PLEKHG7: variants seen among roughly 807,000 people sequenced by gnomAD.
PLEKHG7 encodes the protein pleckstrin homology domain-containing family G member 7.
Under a neutral mutation model 85.2 loss-of-function variants are expected in PLEKHG7, and 77 were observed. The observed-to-expected ratio is 0.90, with a 90% CI of 0.75 to 1.09. The LOEUF (loss-of-function observed/expected upper bound fraction) is 1.09, where lower values mean the gene tolerates loss of function less well. PLEKHG7 is among the 50% of genes least tolerant of loss of function. The pLI is 0.00. For missense variants in PLEKHG7, 777 were observed against 804.3 expected (o/e 0.97, Z 0.41); for synonymous variants, 301 against 302.4 (o/e 1.00, Z 0.05).
rs376783207 is a variant in PLEKHG7 at position 92,707,011 on chromosome 12, G to A, written c.380G>A (p.Arg127Gln). The change falls in exon 2 of 17, where the codon CGG (arginine) becomes CAG (glutamine). Residue 127 changes from arginine (R) to glutamine (Q), a missense_variant. Arg to Gln is a conservative substitution (Grantham distance 43). Around this residue, in one of 3 missense-constraint regions of PLEKHG7, gnomAD observed 252 missense variants for 241.9 expected, o/e 1.04. Transcript: ENST00000344636. ...NAADSLEPQT[R>Q]PTDKYLPPEL... ...GCTGACTCACTGGAGCCCCAAACCCGGCCCACTGACAAGTATCTCCCTCCT... is the reference window on the plus strand; with the variant it reads ...GCTGACTCACTGGAGCCCCAAACCCAGCCCACTGACAAGTATCTCCCTCCT... The A allele has an allele frequency of 1.2e-5, 20 of 1,613,106 alleles. No individual in the cohort carries two copies. Among genetic ancestry groups the A allele is most frequent in the Admixed American group, 6.7e-5 (4 of 59,926 alleles).
intron 13 of PLEKHG7, among the ~76,000 whole-genome samples, chr12:92,756,628 T>C (rs1289065576): frequency 2.6e-5 from 4 of 152,308 alleles, no homozygotes; most frequent in East Asian, 1.9e-4. Flanking sequence ...AACTATTCCA[T>C]AGGATTGTTA....
Position 92,770,996 on chromosome 12 carries a change from G to GGGGT in PLEKHG7, c.*802_*803insGGTG, listed in dbSNP as rs1555197096. On this transcript the variant is annotated 3_prime_UTR_variant, in exon 17 of 17. Coordinates refer to ENST00000344636, the MANE Select transcript of PLEKHG7 (RefSeq NM_001377329.1). ...ATAAAAATACTTTCTGGTTTTGATT[G>GGGGT]GTGTGTGTGTGTGTGTGTGTGTGTG... 13 of 150,264 alleles carry GGGGT rather than the reference G, an allele frequency of 8.7e-5. No individual in the cohort carries two copies. Among genetic ancestry groups the GGGGT allele is most frequent in the Non-Finnish European group, 1.8e-4 (12 of 67,418 alleles). The allele number at this position is 150,264 out of a possible 1,614,324, so 9.3% of individuals were successfully genotyped here.
rs71069170 is a variant in PLEKHG7, at chr12:92,721,702, CA to C, written c.531-7265del. ...GAACCAGAATAGCCAAGCATAAAAC[CA>C]AAAAAAAAAAAAAAAAAAAAAAAAA... On this transcript the variant is annotated intron_variant, in intron 3 of 16. Transcript: ENST00000344636. 4.1e-3 allele frequency among the ~76,000 whole-genome samples: 179 copies of C among 43,364 alleles called. 2 individuals carry two copies. The highest frequency in any genetic ancestry group is 7.9e-3 in the African/African-American group (102 of 12,852). 28.4% of individuals were successfully genotyped at this position (43,364 alleles called of 152,430 possible). A position where few individuals can be genotyped will look rare whatever the true frequency, so the allele number is the denominator to read the frequency against.
chr12:92,708,789 T>C (rs1871310771), intron 3 of PLEKHG7, among the ~76,000 whole-genome samples: 1 of 152,202 alleles, frequency 6.6e-6, no homozygotes, highest in South Asian at 2.1e-4. Context: ...TCTAATTTTA[T>C]TGACCAAAGC....
Position 92,706,903 on chromosome 12 carries a change from G to T in PLEKHG7, c.272G>T (p.Ser91Ile), listed in dbSNP as rs1305806066. The T allele has an allele frequency of 5.6e-6, 9 of 1,614,112 alleles. No individual in the cohort carries two copies. Among genetic ancestry groups the T allele is most frequent in the Middle Eastern group, 1.7e-4 (1 of 6,060 alleles). ...TACCTTTCGAAGAGCCTGCCAGGAA[G>T]CCCAAAGGATTCTTCACACTTGCTG... ...PCYLSKSLPG[S>I]PKDSSHLLSP... Residue 91 changes from serine to isoleucine, a missense_variant, in exon 2 of 17, where the codon AGC becomes ATC. Coordinates refer to ENST00000344636, the MANE Select transcript of PLEKHG7 (RefSeq NM_001377329.1).
chr12:92,733,266 G>A (rs1396420976), intron 5 of PLEKHG7, among the ~76,000 whole-genome samples: 2 of 152,114 alleles, frequency 1.3e-5, no homozygotes, highest in Non-Finnish European at 2.9e-5. Flanking sequence ...TGATTGTAAC[G>A]AATGCCGTAT....
chr12:92,754,389 G>A, intron 11 of PLEKHG7, 125 bp downstream of exon 11: 2 of 903,272 alleles, frequency 2.2e-6, no homozygotes, highest in Non-Finnish European at 3.3e-6. Context: ...GGAAATGTGG[G>A]TTCAAGTGTG....
intron 7 of PLEKHG7, among the ~76,000 whole-genome samples, chr12:92,739,300 T>C (rs1380240663): frequency 6.6e-6 from 1 of 152,202 alleles, no homozygotes; most frequent in Non-Finnish European, 1.5e-5. Flanking sequence ...AATGTGCCAA[T>C]TGGCTTAAGG....
intron 13 of PLEKHG7, among the ~76,000 whole-genome samples, chr12:92,760,863 G>T (rs1223627185): frequency 6.6e-6 from 1 of 152,208 alleles, no homozygotes; most frequent in Non-Finnish European, 1.5e-5. Context: ...TGAGAAATAA[G>T]TAGTTTTAAT....
intron 13 of PLEKHG7, among the ~76,000 whole-genome samples, chr12:92,759,460 T>C (rs1429299590): frequency 1.4e-5 from 2 of 145,926 alleles, no homozygotes; most frequent in South Asian, 2.1e-4. Context: ...TGAATTGTGT[T>C]CTTCCATTGC....
Position 92,768,977 on chromosome 12 carries a change from T to C in PLEKHG7, c.1871-6T>C. On this transcript the variant is annotated splice_polypyrimidine_tract_variant and splice_region_variant and intron_variant, in intron 15 of 16. Transcript: ENST00000344636. ...GGCTTTTTGTCTTTGTAATATCTTT[T>C]TCTAGTCTTTGGGCTGAGAAATGCT... 1.3e-6 allele frequency: 2 copies of C among 1,552,504 alleles called. No individual in the cohort carries two copies. Among genetic ancestry groups the C allele is most frequent in the Non-Finnish European group, 1.8e-6 (2 of 1,134,662 alleles).
rs1292538204 is a variant in PLEKHG7 at position 92,771,493 on chromosome 12, A to C, written c.*1298A>C. 6.6e-6 allele frequency: 1 copy of C among 152,106 alleles called. No homozygotes were observed. Among genetic ancestry groups the C allele is most frequent in the Non-Finnish European group, 1.5e-5 (1 of 67,970 alleles). 9.4% of individuals were successfully genotyped at this position (152,106 alleles called of 1,614,324 possible). Reference sequence around the variant, plus strand: ...GTCAGAAATTTAATAGAAGAAAAAAAGGAAAATCTGGAGGACAGTAACTAT... The same window carrying C: ...GTCAGAAATTTAATAGAAGAAAAAACGGAAAATCTGGAGGACAGTAACTAT... On this transcript the variant is annotated 3_prime_UTR_variant, in exon 17 of 17. Transcript: ENST00000344636.
chr12:92,725,661 C>T (rs955469102), intron 3 of PLEKHG7, among the ~76,000 whole-genome samples: 5 of 152,096 alleles, frequency 3.3e-5, no homozygotes, highest in Non-Finnish European at 5.9e-5. Flanking sequence ...TGTATCTGAA[C>T]AGTCTGAGGC....
chr12:92,746,825 C>T lies in PLEKHG7; in HGVS notation c.1251+1234C>T, dbSNP rs75521213. Among the ~76,000 whole-genome samples the T allele has an allele frequency of 8.4e-3, 1,277 of 152,118 alleles. 29 individuals carry two copies. The highest frequency in any genetic ancestry group is 0.028 in the African/African-American group (1,174 of 41,502). On this transcript the variant is annotated intron_variant, in intron 10 of 16. Coordinates refer to ENST00000344636, the MANE Select transcript of PLEKHG7 (RefSeq NM_001377329.1). ...ATAGCATTAGGAAAACTGAATATCT[C>T]GATGCAGAAGAATGAAAGTAGACCC...
intron 16 of PLEKHG7, 88 bp from the exon 17 acceptor site, chr12:92,769,999 AT>A (rs113934851): frequency 0.086 from 70,009 of 812,146 alleles, 3,462 homozygotes; most frequent in Non-Finnish European, 0.1. Context: ...GTCAATAAAT[AT>A]AGCAGAAAAT....
chr12:92,716,651 T>G (rs2136577303), intron 3 of PLEKHG7, among the ~76,000 whole-genome samples: 1 of 152,366 alleles, frequency 6.6e-6, no homozygotes, highest in African/African-American at 2.4e-5. Context: ...GAATTTAGGC[T>G]TAAGGGATAT....
rs184655032 is a variant in PLEKHG7 at position 92,768,692 on chromosome 12, C to T, written c.1871-291C>T. 1.2e-4 allele frequency among the ~76,000 whole-genome samples: 19 copies of T among 152,188 alleles called. No homozygotes were observed. The East Asian group carries it at 1.5e-3, about 12-fold the overall frequency. On this transcript the variant is annotated intron_variant, in intron 15 of 16. Transcript: ENST00000344636. ...TACCGCATATGTTTAGCTTGTTCTA[C>T]GAGCAGGGGCCCCATTACCTAAGCC...
At chr12:92,759,261 A>T (rs1291734908) in intron 13 of PLEKHG7, among the ~76,000 whole-genome samples, 1 of 152,254 alleles carries the variant, frequency 6.6e-6, no homozygotes, top group African/African-American at 2.4e-5. Context: ...AATGTCTGTA[A>T]CATTATCTAG....
At chr12:92,726,459 G>A (rs1286133589) in intron 3 of PLEKHG7, among the ~76,000 whole-genome samples, 2 of 152,156 alleles carry the variant, frequency 1.3e-5, no homozygotes, top group Non-Finnish European at 2.9e-5. Flanking sequence ...TTATTTGTTG[G>A]TGAAAATATA....
Sources: allele counts gnomAD v4.1 joint callset (sites outside exome capture counted in the v4.1 genomes callset), GRCh38; gene constraint gnomAD v4.1.1; regional missense constraint gnomAD v4.1.1; transcripts MANE v1.5; gene names NCBI Gene and HGNC (gene_info 2026-07-23, HGNC 2026-07-21).